Variants in LDLRAP1 observed in about 807,000 individuals in gnomAD.
The protein encoded by LDLRAP1 is low density lipoprotein receptor adaptor protein 1, also known as low density lipoprotein receptor adapter protein 1.
In LDLRAP1, 30 loss-of-function variants were observed where a neutral mutation model predicts 37.8. The observed-to-expected ratio is 0.79, with a 90% CI of 0.59 to 1.08. The LOEUF is 1.08. LDLRAP1 is among the 50% of genes least tolerant of loss of function. LDLRAP1 has a pLI of 0.00. For missense variants in LDLRAP1, 375 were observed against 401.6 expected, an observed-to-expected ratio of 0.93 and a Z score of 0.57; for synonymous variants, 156 against 169.8, an observed-to-expected ratio of 0.92 and a Z score of 0.63.
chr1:25,561,273 A>T (rs2044336238), intron 4 of LDLRAP1, among the ~76,000 whole-genome samples: 1 of 152,234 alleles, frequency 6.6e-6, no homozygotes, highest in South Asian at 2.1e-4. Context: ...AACAGCTGCG[A>T]AGAGTTTCAT....
At chr1:25,583,320 G>A in the LDLRAP1 span, among the ~76,000 whole-genome samples, 69 of 151,152 alleles carry the variant, frequency 4.6e-4, no homozygotes, top group African/African-American at 1.6e-3. Context: ...CTCCCGAATA[G>A]CTGGGATTAC....
intron 6 of LDLRAP1, 48 bp downstream of exon 6, chr1:25,563,201 C>T (rs546047027): frequency 3.2e-6 from 5 of 1,548,496 alleles, no homozygotes; most frequent in Middle Eastern, 1.8e-4. Flanking sequence ...GTTGGGGTTG[C>T]GCTTCACCCA....
At chr1:25,583,945 G>A in the LDLRAP1 span, among the ~76,000 whole-genome samples, 4 of 152,088 alleles carry the variant, frequency 2.6e-5, no homozygotes, top group Admixed American at 6.6e-5. Flanking sequence ...GTTTCGTCAC[G>A]TTGTAGCACA....
the LDLRAP1 span, among the ~76,000 whole-genome samples, chr1:25,582,517 G>A: frequency 2.9e-4 from 44 of 151,500 alleles, no homozygotes; most frequent in South Asian, 1.3e-3. Flanking sequence ...CCTGGGAGGT[G>A]GAGGTTGCAG....
the LDLRAP1 span, among the ~76,000 whole-genome samples, chr1:25,580,241 G>A: frequency 1.4e-4 from 21 of 152,266 alleles, no homozygotes; most frequent in Middle Eastern, 6.8e-3. Context: ...GCTTCTGCAT[G>A]GGAAGACAGA....
At chr1:25,560,702 C>T (rs1396998753) in intron 4 of LDLRAP1, among the ~76,000 whole-genome samples, 1 of 152,228 alleles carries the variant, frequency 6.6e-6, no homozygotes, top group African/African-American at 2.4e-5. Context: ...GTTTGAGTTT[C>T]TGGCCCCTTT....
At chr1:25,577,724 C>T in the LDLRAP1 span, among the ~76,000 whole-genome samples, 2 of 152,212 alleles carry the variant, frequency 1.3e-5, no homozygotes, top group Non-Finnish European at 2.9e-5. Flanking sequence ...CGCCGGGTGG[C>T]AGGCTCAGGT....
chr1:25,587,201 G>C, the LDLRAP1 span, among the ~76,000 whole-genome samples: 226 of 152,170 alleles, frequency 1.5e-3, no homozygotes, highest in African/African-American at 5.2e-3. Flanking sequence ...GCCCAGCCTG[G>C]AGTGTAGTGG....
intron 4 of LDLRAP1, 34 bp from the exon 5 acceptor site, chr1:25,562,610 T>C (rs2044368914): frequency 6.3e-7 from 1 of 1,597,260 alleles, no homozygotes; most frequent in Non-Finnish European, 8.6e-7. Flanking sequence ...TGGCTGACAC[T>C]GCACCCCTCC....
Position 25,549,588 on chromosome 1 carries a change from T to G in LDLRAP1, c.89-4334T>G, listed in dbSNP as rs553127608. Among the ~76,000 whole-genome samples the G allele has an allele frequency of 3.3e-5, 5 of 152,274 alleles. No individual in the cohort carries two copies. The South Asian group carries it at 1.0e-3, about 32-fold the overall frequency. ...CAGGTCATCTGTAAAATTGCAACGT[T>G]AAAATAGCGCAGTCATTACCCACTA... On this transcript the variant is annotated intron_variant, in intron 1 of 8. Transcript: ENST00000374338.
In LDLRAP1 at chr1:25,554,179, C is replaced by A; in HGVS notation, c.231+115C>A. On this transcript the variant is annotated intron_variant, in intron 2 of 8. Transcript: ENST00000374338. This position sits in a 1 kb window ranked among gnomAD's most constrained non-coding sequence, Gnocchi z 5.4. The stretch of plus-strand genomic sequence containing the variant: ...TTGGGTGTGTCTGAGCCTGGCCCTG[C>A]CCTTCATTCTCCTTCCATCCAGCTT... 7.7e-7 allele frequency: 1 copy of A among 1,300,040 alleles called. No homozygotes were observed. The highest frequency in any genetic ancestry group is 1.1e-6 in the Non-Finnish European group (1 of 928,200). The allele number at this position is 1,300,040 out of a possible 1,614,324, so 80.5% of individuals were successfully genotyped here.
chr1:25,577,944 G>A, the LDLRAP1 span, among the ~76,000 whole-genome samples: 1 of 152,204 alleles, frequency 6.6e-6, no homozygotes, highest in Non-Finnish European at 1.5e-5. Flanking sequence ...CGCAGTGGAG[G>A]TCTCCAGCAG....
the LDLRAP1 span, among the ~76,000 whole-genome samples, chr1:25,588,334 G>A: frequency 6.6e-6 from 1 of 152,338 alleles, no homozygotes; most frequent in African/African-American, 2.4e-5. Context: ...TGAGACAAGA[G>A]GAAGGCATCT....
At chr1:25,556,350 GGTGC>G (rs2044199347) in intron 3 of LDLRAP1, among the ~76,000 whole-genome samples, 1 of 152,184 alleles carries the variant, frequency 6.6e-6, no homozygotes, top group Non-Finnish European at 1.5e-5. Flanking sequence ...CTAGGTTACA[GGTGC>G]GACTGGGGGC....
At chr1:25,560,188 T>TGGGCCTTGAATCAGGATGTTGA (rs552009202) in intron 4 of LDLRAP1, among the ~76,000 whole-genome samples, 5 of 152,132 alleles carry the variant, frequency 3.3e-5, no homozygotes, top group Admixed American at 6.5e-5. Flanking sequence ...CCGTTTGCAG[T>TGGGCCTTGAATCAGGATGTTGA]GGGCCTTGAA....
chr1:25,548,220 C>T (rs1483650284), intron 1 of LDLRAP1, among the ~76,000 whole-genome samples: 1 of 152,100 alleles, frequency 6.6e-6, no homozygotes, highest in South Asian at 2.1e-4. Flanking sequence ...TGCATTTGAC[C>T]ACTGTAATGA....
At chr1:25,564,896 G>A (rs1409485249) in intron 7 of LDLRAP1, 6 of 475,512 alleles carry the variant, frequency 1.3e-5, no homozygotes, top group African/African-American at 3.9e-5. Context: ...AAGGTCTCAC[G>A]GGCAGGTAGC....
At chr1:25,547,209 G>A (rs771071902) in intron 1 of LDLRAP1, among the ~76,000 whole-genome samples, 2 of 152,110 alleles carry the variant, frequency 1.3e-5, no homozygotes, top group East Asian at 1.9e-4. Context: ...CCAGCAGGGC[G>A]CGGTGGCTCA....
intron 8 of LDLRAP1, among the ~76,000 whole-genome samples, chr1:25,565,597 A>C (rs1463600414): frequency 2.0e-5 from 3 of 151,520 alleles, no homozygotes; most frequent in Admixed American, 6.6e-5. Flanking sequence ...GTTTATGAAC[A>C]GGGGAAGGGA....
Sources: gnomAD v4.1 joint callset for allele counts (sites outside exome capture counted in the v4.1 genomes callset) on GRCh38, gnomAD v4.1.1 for gene constraint, Gnocchi (gnomAD v3.1) non-coding constraint, MANE v1.5 for transcripts, NCBI Gene and HGNC (gene_info 2026-07-23, HGNC 2026-07-21) for gene names.